SPTAN1: variants seen among roughly 807,000 people sequenced by gnomAD.
The protein encoded by SPTAN1 is spectrin alpha chain, non-erythrocytic 1.
A neutral mutation model predicts 331.3 loss-of-function variants in SPTAN1; 61 were observed. The ratio of observed to expected loss-of-function variants is 0.18; its 90% CI spans 0.15 to 0.23. SPTAN1 has a LOEUF of 0.23. Ranked by LOEUF, SPTAN1 falls within the 10% of genes least tolerant of loss-of-function variation. The pLI is 1.00. For synonymous variants in SPTAN1, 1,153 were observed against 1,173.9 expected (o/e 0.98, Z 0.36); for missense variants, 2,043 against 3,147.9 (o/e 0.65, Z 8.40).
intron 54 of SPTAN1, 35 bp downstream of exon 54, chr9:128,632,519 G>A (rs758356697): frequency 3.1e-6 from 5 of 1,614,142 alleles, no homozygotes; most frequent in African/African-American, 1.3e-5. Flanking sequence ...GCTGGGTGGG[G>A]GGTGTTCGGC....
intron 1 of SPTAN1, chr9:128,553,110 C>G (rs1264186940): frequency 6.6e-6 from 1 of 152,288 alleles, no homozygotes; most frequent in Non-Finnish European, 1.5e-5. Context: ...CCGGTCCCTT[C>G]CCTCGGCCGG....
intron 26 of SPTAN1, 180 bp downstream of exon 26, chr9:128,599,166 A>T (rs1854718647): frequency 4.4e-6 from 3 of 686,192 alleles, no homozygotes; most frequent in Non-Finnish European, 8.0e-6. Context: ...ACGGAGTCTC[A>T]CTCTGTCAAC....
Position 128,618,966 on chromosome 9 carries a change from C to T in SPTAN1, c.5696C>T (p.Ala1899Val), listed in dbSNP as rs1857520157. The T allele has an allele frequency of 1.4e-5, 23 of 1,613,980 alleles. No individual in the cohort carries two copies. The highest frequency in any genetic ancestry group is 1.9e-5 in the Non-Finnish European group (23 of 1,179,940). The part of the protein sequence containing the change: ...AWINEKMTLV[A>V]SEDYGDTLAA... ...ATCAATGAGAAAATGACCCTGGTGG[C>T]CAGCGAAGATTATGGCGACACTCTT... Residue 1899 changes from alanine to valine, a missense_variant, in exon 44 of 57, where the codon GCC (alanine) becomes GTC (valine). Physicochemically the swap from Ala to Val is moderately conservative, Grantham distance 64 (BLOSUM62 0). Around this residue, in one of 12 missense-constraint regions of SPTAN1, gnomAD observed 323 missense variants for 581.1 expected, o/e 0.56. Coordinates refer to ENST00000372739, the MANE Select transcript of SPTAN1 (RefSeq NM_001130438.3).
chr9:128,628,827 C>T (rs1016433021), intron 51 of SPTAN1: 2 of 305,460 alleles, frequency 6.5e-6, no homozygotes, highest in East Asian at 1.0e-4. Flanking sequence ...CCGTAGGACA[C>T]CCTGGCCACC....
In SPTAN1 at chr9:128,618,085, G is replaced by T; in HGVS notation, c.5577G>T (p.Glu1859Asp). 1 of 1,613,782 alleles carries T rather than the reference G, an allele frequency of 6.2e-7. No individual in the cohort carries two copies. ...RLAQFVEHWKELKQLAAARGQ... is the reference protein window; with the variant it reads ...RLAQFVEHWKDLKQLAAARGQ... ...CGCAGTTTGTGGAGCACTGGAAAGAGCTGAAGCAGCTGGCAGCTGCCCGGT... is the reference window on the plus strand; with the variant it reads ...CGCAGTTTGTGGAGCACTGGAAAGATCTGAAGCAGCTGGCAGCTGCCCGGT... Residue 1859 changes from glutamate to aspartate, a missense_variant, in exon 43 of 57, where the codon GAG becomes GAT. Physicochemically the swap from Glu to Asp is conservative, Grantham distance 45 (BLOSUM62 2). Transcript: ENST00000372739.
intron 52 of SPTAN1, among the ~76,000 whole-genome samples, chr9:128,631,160 TA>T (rs1475843586): frequency 6.6e-6 from 1 of 151,860 alleles, no homozygotes; most frequent in Admixed American, 6.6e-5. Context: ...CTCTTCACTT[TA>T]AAGAAAGTCT....
In SPTAN1 at chr9:128,627,836, C is replaced by T. The variant is rs554522191; in HGVS notation, c.6690-89C>T. On this transcript the variant is annotated intron_variant, in intron 50 of 56. Transcript: ENST00000372739. This position sits in a 1 kb window ranked among gnomAD's most constrained non-coding sequence, Gnocchi z 4.9. ...GATGTTCTTGCTTTTGTTTTCCTTTCTTTCTTGTGTCTTCTCTCTGTCCCC... is the reference window on the plus strand; with the variant it reads ...GATGTTCTTGCTTTTGTTTTCCTTTTTTTCTTGTGTCTTCTCTCTGTCCCC... 3.2e-5 allele frequency: 48 copies of T among 1,509,730 alleles called. No homozygotes were observed. In the South Asian group the frequency reaches 3.9e-4, roughly 12 times the overall value. The allele number at this position is 1,509,730 out of a possible 1,614,324, so 93.5% of individuals were successfully genotyped here. A position where few individuals can be genotyped will look rare whatever the true frequency, so the allele number is the denominator to read the frequency against.
At chr9:128,633,049 T>G (rs1461513354) in intron 56 of SPTAN1, 94 bp downstream of exon 56, 2 of 1,594,712 alleles carry the variant, frequency 1.3e-6, no homozygotes. Context: ...GGCCCTGCGC[T>G]GGGTATTCTC....
At chr9:128,579,593 A>G in intron 9 of SPTAN1, 44 bp from the exon 10 acceptor site, 1 of 1,502,586 alleles carries the variant, frequency 6.7e-7, no homozygotes, top group East Asian at 2.3e-5. Context: ...TTTATTTTGT[A>G]AGATGCTGGG....
At chr9:128,568,614 G>C (rs547131014) in intron 2 of SPTAN1, among the ~76,000 whole-genome samples, 158 bp from the exon 3 acceptor site, 1 of 152,312 alleles carries the variant, frequency 6.6e-6, no homozygotes, top group African/African-American at 2.4e-5. Context: ...CAGAGTATTT[G>C]AGGAATTGAG....
At chr9:128,598,283 T>C (rs1854589393) in intron 24 of SPTAN1, 117 bp from the exon 25 acceptor site, 1 of 750,434 alleles carries the variant, frequency 1.3e-6, no homozygotes, top group Non-Finnish European at 2.2e-6. Flanking sequence ...CCTTTTTTTT[T>C]TTTGGTAGGC....
rs773027341 is a variant in SPTAN1, at chr9:128,608,989, G to A, written c.4595+12G>A. On this transcript the variant is annotated intron_variant, in intron 35 of 56. Coordinates refer to ENST00000372739, the MANE Select transcript of SPTAN1 (RefSeq NM_001130438.3). ...GAGGTCTTGGACAGGTGGGTGTCCT[G>A]TGGCACTGACATAGTCACCAGCCCT... 1 of 1,614,048 alleles carries A rather than the reference G, an allele frequency of 6.2e-7. No homozygotes were observed. Among genetic ancestry groups the A allele is most frequent in the Non-Finnish European group, 8.5e-7 (1 of 1,179,880 alleles).
intron 1 of SPTAN1, among the ~76,000 whole-genome samples, chr9:128,559,565 T>G (rs943647538): frequency 4.6e-5 from 7 of 152,156 alleles, no homozygotes; most frequent in African/African-American, 1.4e-4. Flanking sequence ...AACTATGCCT[T>G]CCTTGGAAAA....
At chr9:128,571,950 A>G (rs1850775617) in intron 3 of SPTAN1, among the ~76,000 whole-genome samples, 2 of 152,156 alleles carry the variant, frequency 1.3e-5, no homozygotes, top group African/African-American at 4.8e-5. Context: ...TCCTTCCACC[A>G]GGCTCAAGTG....
intron 45 of SPTAN1, chr9:128,622,135 C>G (rs1185399038): frequency 6.6e-6 from 1 of 152,194 alleles, no homozygotes; most frequent in Non-Finnish European, 1.5e-5. Flanking sequence ...TGCAAATAAA[C>G]TTGCGTGAAA....
chr9:128,576,989 T>C, intron 6 of SPTAN1, 33 bp downstream of exon 6: 1 of 1,613,896 alleles, frequency 6.2e-7, no homozygotes, highest in East Asian at 2.2e-5. Flanking sequence ...GGGGAATGGG[T>C]CTCAACCTGG....
intron 23 of SPTAN1, 183 bp from the exon 24 acceptor site, chr9:128,593,992 G>A: frequency 1.5e-6 from 1 of 669,626 alleles, no homozygotes; most frequent in Non-Finnish European, 2.7e-6. Context: ...ATATCTCTCA[G>A]GCTGTGGCGT....
At position 128,627,900 on chromosome 9, in the gene SPTAN1, G is replaced by A; in HGVS notation, c.6690-25G>A. On this transcript the variant is annotated intron_variant, in intron 50 of 56. Coordinates refer to ENST00000372739, the MANE Select transcript of SPTAN1 (RefSeq NM_001130438.3). The surrounding 1 kb of genome is among the most constrained non-coding windows in gnomAD (Gnocchi z 4.9). ...TTGTCCGGACACCACCTTGTCTCCC[G>A]GCTGCTTGGATCTGCTCTCCACAGG... 6.2e-7 allele frequency: 1 copy of A among 1,614,014 alleles called. No homozygotes were observed. Among genetic ancestry groups the A allele is most frequent in the Non-Finnish European group, 8.5e-7 (1 of 1,179,970 alleles).
intron 19 of SPTAN1, among the ~76,000 whole-genome samples, chr9:128,587,362 G>T (rs1180094658): frequency 6.6e-6 from 1 of 152,210 alleles, no homozygotes. Flanking sequence ...TGGGATTACA[G>T]GCATAAGCCT....
Sources: allele counts gnomAD v4.1 joint callset (sites outside exome capture counted in the v4.1 genomes callset), GRCh38; gene constraint gnomAD v4.1.1; regional missense constraint gnomAD v4.1.1; non-coding constraint Gnocchi (gnomAD v3.1); transcripts MANE v1.5; gene names NCBI Gene and HGNC (gene_info 2026-07-23, HGNC 2026-07-21).